ADGRL4: variants seen among roughly 807,000 people sequenced by gnomAD.
ADGRL4 encodes EGF, latrophilin and seven transmembrane domain containing 1.
Under a neutral mutation model 74.8 loss-of-function variants are expected in ADGRL4, and 90 were observed. The observed-to-expected ratio is 1.20, with a 90% CI of 1.02 to 1.43. The LOEUF is 1.43. Among genes scored for constraint, ADGRL4 ranks in the 40% most tolerant of loss-of-function variants. ADGRL4 has a pLI of 0.00. For synonymous variants in ADGRL4, 311 were observed against 279.2 expected (o/e 1.11, Z -1.14); for missense variants, 881 against 814.3 (o/e 1.08, Z -1.00).
In ADGRL4 at chr1:78,905,779, C is replaced by T. The variant is rs75836646; in HGVS notation, c.1749+11855G>A. On this transcript the variant is annotated intron_variant, in intron 12 of 14. Transcript: ENST00000370742. ...AATAAATAAAAGGGTGAAGGATAGA[C>T]CCTATATTTAAATCCCAGGTATCTT... Among the ~76,000 whole-genome samples the T allele has an allele frequency of 2.7e-3, 412 of 151,966 alleles. 1 individual carries two copies. Among genetic ancestry groups the T allele is most frequent in the Non-Finnish European group, 4.4e-3 (299 of 67,872 alleles).
At chr1:78,971,028 T>C (rs1014633455) in intron 2 of ADGRL4, among the ~76,000 whole-genome samples, 1 of 152,180 alleles carries the variant, frequency 6.6e-6, no homozygotes, top group African/African-American at 2.4e-5. Flanking sequence ...TGTTCTGTTT[T>C]GATAAATGTT....
chr1:78,908,438 G>C (rs919696144), intron 12 of ADGRL4, among the ~76,000 whole-genome samples: 1 of 151,916 alleles, frequency 6.6e-6, no homozygotes, highest in African/African-American at 2.4e-5. Context: ...ATAAATAGCA[G>C]AACCCCTGTA....
At chr1:78,960,920 G>A (rs1649938656) in intron 2 of ADGRL4, among the ~76,000 whole-genome samples, 2 of 152,088 alleles carry the variant, frequency 1.3e-5, no homozygotes, top group South Asian at 4.1e-4. Flanking sequence ...TCCAGTGTAT[G>A]GCATTTTTGT....
intron 7 of ADGRL4, 24 bp downstream of exon 7, chr1:78,936,271 T>C (rs368153934): frequency 1.5e-5 from 24 of 1,577,414 alleles, no homozygotes; most frequent in Non-Finnish European, 2.0e-5. Context: ...TGATATATTG[T>C]CTGTTAGATT....
At chr1:79,004,926 T>C (rs1359718088) in intron 2 of ADGRL4, 144 bp downstream of exon 2, 5 of 585,580 alleles carry the variant, frequency 8.5e-6, no homozygotes, top group Non-Finnish European at 1.4e-5. Context: ...TCAAACTTAC[T>C]GTTTAGCTAC....
chr1:78,997,753 T>G (rs1002442920), intron 2 of ADGRL4, among the ~76,000 whole-genome samples: 3 of 152,158 alleles, frequency 2.0e-5, no homozygotes, highest in African/African-American at 7.2e-5. Context: ...CTCTCATATT[T>G]ATAATTTAAA....
intron 2 of ADGRL4, among the ~76,000 whole-genome samples, chr1:78,967,206 G>C (rs1650075939): frequency 6.6e-6 from 1 of 152,166 alleles, no homozygotes; most frequent in African/African-American, 2.4e-5. Flanking sequence ...TAAATAGGTG[G>C]ACTAAATTAT....
chr1:78,952,669 T>C (rs1280473952), intron 2 of ADGRL4, among the ~76,000 whole-genome samples: 2 of 152,114 alleles, frequency 1.3e-5, no homozygotes, highest in African/African-American at 2.4e-5. Context: ...TGAACTCAAG[T>C]TCAATTTAGT....
rs574978835 is a variant in ADGRL4 at position 78,971,072 on chromosome 1, A to G, written c.173-24646T>C. Among the ~76,000 whole-genome samples, 18 of 152,230 alleles carry G rather than the reference A, an allele frequency of 1.2e-4. No homozygotes were observed. The South Asian group carries it at 3.7e-3, about 32-fold the overall frequency. ...ACCCCGTTTGTCTCTTCTTGCCTTC[A>G]GGGCATGAAACTCCAAATGGTCATG... On this transcript the variant is annotated intron_variant, in intron 2 of 14. Coordinates refer to ENST00000370742, the MANE Select transcript of ADGRL4 (RefSeq NM_022159.4).
At chr1:78,901,071 G>T (rs1378516867) in intron 12 of ADGRL4, among the ~76,000 whole-genome samples, 1 of 151,964 alleles carries the variant, frequency 6.6e-6, no homozygotes, top group African/African-American at 2.4e-5. Flanking sequence ...ACATAGGATT[G>T]CCAGATGTTG....
chr1:78,918,822 T>C (rs1041377868), intron 10 of ADGRL4, among the ~76,000 whole-genome samples: 2 of 151,380 alleles, frequency 1.3e-5, no homozygotes, highest in African/African-American at 4.9e-5. Context: ...TGTTAGAGAG[T>C]ACTCTATAAG....
intron 7 of ADGRL4, among the ~76,000 whole-genome samples, chr1:78,932,952 A>T (rs998449133): frequency 2.0e-5 from 3 of 151,566 alleles, no homozygotes; most frequent in African/African-American, 7.3e-5. Context: ...AAACAAAAAA[A>T]GCCCAGAGCC....
At chr1:78,918,406 TGCCTC>T (rs1436348111) in intron 10 of ADGRL4, among the ~76,000 whole-genome samples, 1 of 151,940 alleles carries the variant, frequency 6.6e-6, no homozygotes, top group Non-Finnish European at 1.5e-5. Context: ...GTTTTGGAGA[TGCCTC>T]TCTTTTCCTT....
intron 10 of ADGRL4, among the ~76,000 whole-genome samples, chr1:78,918,675 A>C (rs554832380): frequency 4.6e-5 from 7 of 152,086 alleles, no homozygotes; most frequent in African/African-American, 1.7e-4. Flanking sequence ...TAACAGAAGA[A>C]GAAGTAGTTA....
intron 10 of ADGRL4, among the ~76,000 whole-genome samples, chr1:78,918,965 G>T (rs1208991439): frequency 2.6e-5 from 4 of 151,916 alleles, no homozygotes; most frequent in African/African-American, 7.2e-5. Context: ...ACACTACACT[G>T]AGTAATTTTG....
At chr1:79,004,819 A>G (rs1166886123) in intron 2 of ADGRL4, among the ~76,000 whole-genome samples, 5 of 152,198 alleles carry the variant, frequency 3.3e-5, no homozygotes, top group Non-Finnish European at 7.4e-5. Context: ...GATCTCCAGC[A>G]TGAGCTAAAA....
intron 3 of ADGRL4, among the ~76,000 whole-genome samples, chr1:78,939,486 T>A (rs915320495): frequency 5.9e-5 from 9 of 152,070 alleles, no homozygotes; most frequent in Non-Finnish European, 1.2e-4. Context: ...TCTACAATTT[T>A]GATTAAATTA....
intron 3 of ADGRL4, among the ~76,000 whole-genome samples, chr1:78,941,012 G>GTA (rs1649464355): frequency 6.6e-6 from 1 of 152,140 alleles, no homozygotes; most frequent in Non-Finnish European, 1.5e-5. Flanking sequence ...CTTCTGACAA[G>GTA]TATATATATT....
chr1:78,893,046 GC>G (rs1298371159), intron 13 of ADGRL4, 51 bp downstream of exon 13: 1 of 980,972 alleles, frequency 1.0e-6, no homozygotes, highest in African/African-American at 1.8e-5. Flanking sequence ...AGTTACTAAA[GC>G]TTTTAATTAC....
Sources: gnomAD v4.1 joint callset for allele counts (sites outside exome capture counted in the v4.1 genomes callset) on GRCh38, gnomAD v4.1.1 for gene constraint, MANE v1.5 for transcripts, NCBI Gene and HGNC (gene_info 2026-07-23, HGNC 2026-07-21) for gene names.